The following LARS2 variants were observed in gnomAD, a reference collection of about 807,000 sequenced individuals.
LARS2 encodes leucyl-tRNA synthetase 2, mitochondrial.
LARS2 carries 81 observed loss-of-function variants against 116.6 expected under a neutral mutation model. That is an observed-to-expected ratio of 0.69 (90% CI 0.58 to 0.84). The LOEUF (loss-of-function observed/expected upper bound fraction) is 0.84, where lower values mean the gene tolerates loss of function less well. Among genes scored for constraint, LARS2 ranks in the 40% least tolerant of loss-of-function variants. The pLI, the probability that LARS2 is intolerant of heterozygous loss-of-function variation, is 0.00. For missense variants in LARS2, 968 were observed against 1,114.5 expected (o/e 0.87, Z 1.87); for synonymous variants, 396 against 407.2 (o/e 0.97, Z 0.33).
chr3:45,489,329 G>A (rs1045295826), intron 12 of LARS2, among the ~76,000 whole-genome samples: 1 of 152,202 alleles, frequency 6.6e-6, no homozygotes, highest in African/African-American at 2.4e-5. Context: ...CTGGAAAGTA[G>A]GATGGAAGAG....
intron 8 of LARS2, among the ~76,000 whole-genome samples, chr3:45,467,204 T>G (rs1346995373): frequency 1.3e-5 from 2 of 152,152 alleles, no homozygotes; most frequent in African/African-American, 4.8e-5. Context: ...TGAGCCCAGC[T>G]GCAGAGAGAC....
At chr3:45,434,688 T>G (rs1698771937) in intron 6 of LARS2, among the ~76,000 whole-genome samples, 1 of 152,230 alleles carries the variant, frequency 6.6e-6, no homozygotes. Flanking sequence ...AAGACTGAAT[T>G]TTACTTAAAC....
intron 4 of LARS2, among the ~76,000 whole-genome samples, chr3:45,408,604 TTCTC>T (rs141045345): frequency 2.0e-5 from 3 of 150,260 alleles, no homozygotes; most frequent in Non-Finnish European, 4.5e-5. Flanking sequence ...GCCAGAAAAT[TTCTC>T]TCTCTCTCTC....
At chr3:45,394,000 G>T (rs544008713) in intron 2 of LARS2, among the ~76,000 whole-genome samples, 3 of 149,372 alleles carry the variant, frequency 2.0e-5, no homozygotes, top group African/African-American at 7.7e-5. Context: ...TGGGAGGCCT[G>T]TATTTAGACC....
intron 4 of LARS2, among the ~76,000 whole-genome samples, chr3:45,417,274 C>T (rs899229030): frequency 6.6e-6 from 1 of 152,042 alleles, no homozygotes; most frequent in African/African-American, 2.4e-5. Context: ...TCAGAGGTAA[C>T]TTATTGGTGC....
At chr3:45,423,407 G>T (rs1302807893) in intron 6 of LARS2, among the ~76,000 whole-genome samples, 1 of 152,072 alleles carries the variant, frequency 6.6e-6, no homozygotes, top group Non-Finnish European at 1.5e-5. Context: ...CTGCCTCCCA[G>T]GTTCAAGCGA....
At chr3:45,390,492 T>G (rs941634559) in intron 1 of LARS2, among the ~76,000 whole-genome samples, 1 of 150,102 alleles carries the variant, frequency 6.7e-6, no homozygotes, top group Non-Finnish European at 1.5e-5. Flanking sequence ...TTTTGTATAT[T>G]TAGTAGAGAC....
chr3:45,447,364 G>A (rs1699040003), intron 7 of LARS2, among the ~76,000 whole-genome samples: 1 of 152,158 alleles, frequency 6.6e-6, no homozygotes, highest in Non-Finnish European at 1.5e-5. Flanking sequence ...GGGTACTATG[G>A]TTTGGATGTC....
chr3:45,513,208 C>T lies in LARS2; in HGVS notation c.1834C>T (p.Leu612=). The part of the protein sequence containing the change: ...QTFRLPSGQY[L]QREEVDLTGS... The stretch of plus-strand genomic sequence containing the variant: ...ATTCCGCCTACCATCTGGACAGTAT[C>T]TACAGAGAGAGGAAGTGGATCTCAC... Residue 612 remains leucine (L), a synonymous_variant, in exon 16 of 22, where the codon CTA becomes TTA. Coordinates refer to ENST00000645846, the MANE Select transcript of LARS2 (RefSeq NM_015340.4). The T allele has an allele frequency of 6.2e-7, 1 of 1,612,508 alleles. No individual in the cohort carries two copies. The highest frequency in any genetic ancestry group is 8.5e-7 in the Non-Finnish European group (1 of 1,178,494).
rs1553634444 is a variant in LARS2 at position 45,484,630 on chromosome 3, A to AATATATATATAT, written c.1019-1055_1019-1044dup. Among the ~76,000 whole-genome samples, 138 of 9,734 alleles carry AATATATATATAT rather than the reference A, an allele frequency of 0.014. 11 individuals carry two copies. In the East Asian group the frequency reaches 0.22, roughly 15 times the overall value. 6.4% of individuals were successfully genotyped at this position (9,734 alleles called of 152,430 possible). The stretch of plus-strand genomic sequence containing the variant: ...AAAAAAAAAAAAAAAAAAAAAAAAA[A>AATATATATATAT]ATATATATATATATATATTTAAAAT... On this transcript the variant is annotated intron_variant, in intron 10 of 21. Transcript: ENST00000645846.
intron 6 of LARS2, among the ~76,000 whole-genome samples, chr3:45,437,922 T>A (rs1575254372): frequency 6.6e-6 from 1 of 151,922 alleles, no homozygotes; most frequent in East Asian, 1.9e-4. Flanking sequence ...ACAATAAACA[T>A]AATAAATAAG....
chr3:45,419,383 A>G (rs1698480689), intron 5 of LARS2, among the ~76,000 whole-genome samples: 1 of 152,270 alleles, frequency 6.6e-6, no homozygotes, highest in Middle Eastern at 3.4e-3. Flanking sequence ...GCACATCTCA[A>G]AGGGGTTGCC....
At chr3:45,510,284 C>T (rs190962889) in intron 15 of LARS2, among the ~76,000 whole-genome samples, 2 of 151,406 alleles carry the variant, frequency 1.3e-5, no homozygotes, top group South Asian at 2.1e-4. Context: ...TGTGGTAGTG[C>T]GCGCCTGTGG....
intron 5 of LARS2, among the ~76,000 whole-genome samples, chr3:45,418,638 C>T (rs777210469): frequency 1.1e-4 from 17 of 152,126 alleles, no homozygotes; most frequent in Non-Finnish European, 2.2e-4. Context: ...ACATATTGTC[C>T]GTGTCTGCTT....
chr3:45,535,268 G>A (rs1575319302), intron 20 of LARS2, among the ~76,000 whole-genome samples: 1 of 151,680 alleles, frequency 6.6e-6, no homozygotes, highest in African/African-American at 2.4e-5. Flanking sequence ...CAGAAGAATC[G>A]CTTGAACCTG....
At chr3:45,461,373 G>C (rs1699322446) in intron 8 of LARS2, among the ~76,000 whole-genome samples, 1 of 151,884 alleles carries the variant, frequency 6.6e-6, no homozygotes, top group Non-Finnish European at 1.5e-5. Context: ...CATGTGTAGT[G>C]GCCTTAAAAC....
At position 45,408,304 on chromosome 3, in the gene LARS2, GCCTCACC is replaced by G. The variant is rs372942719; in HGVS notation, c.363+7934_363+7940del. 6.6e-5 allele frequency among the ~76,000 whole-genome samples: 10 copies of G among 152,374 alleles called. No individual in the cohort carries two copies. In the East Asian group the frequency reaches 1.7e-3, roughly 26 times the overall value. On this transcript the variant is annotated intron_variant, in intron 4 of 21. Transcript: ENST00000645846. The stretch of plus-strand genomic sequence containing the variant: ...TGTGCCATGGCCATGTGGCTACCGG[GCCTCACC>G]CCCTGGCCAGGGCTCTGACCCCTGT...
chr3:45,451,881 C>T (rs987065628), intron 7 of LARS2, among the ~76,000 whole-genome samples: 6 of 152,056 alleles, frequency 3.9e-5, no homozygotes, highest in African/African-American at 1.4e-4. Flanking sequence ...TTACTATCAT[C>T]AATGTTTTAT....
At chr3:45,506,519 C>G (rs757710160) in intron 15 of LARS2, among the ~76,000 whole-genome samples, 10 of 152,058 alleles carry the variant, frequency 6.6e-5, no homozygotes, top group Non-Finnish European at 1.5e-4. Context: ...TAGTCTAGTT[C>G]TGTATTCCTT....
Sources: gnomAD v4.1 joint callset for allele counts (sites outside exome capture counted in the v4.1 genomes callset) on GRCh38, gnomAD v4.1.1 for gene constraint, MANE v1.5 for transcripts, NCBI Gene and HGNC (gene_info 2026-07-23, HGNC 2026-07-21) for gene names.